The following CERS6 variants were observed in gnomAD, a reference collection of about 807,000 sequenced individuals.
CERS6 encodes the protein ceramide synthase 6, also known as LAG1 homolog, ceramide synthase 6.
Under a neutral mutation model 56.8 loss-of-function variants are expected in CERS6, and 26 were observed. The observed-to-expected ratio is 0.46, with a 90% CI of 0.34 to 0.63. CERS6 has a LOEUF of 0.63. CERS6 is among the 30% of genes least tolerant of loss of function. The probability of loss-of-function intolerance (pLI) is 0.01; values close to 1 mark genes in which losing one functional copy is unlikely to be tolerated. For synonymous variants in CERS6, 164 were observed against 173.3 expected, an observed-to-expected ratio of 0.95 and a Z score of 0.42; for missense variants, 415 against 467.5, an observed-to-expected ratio of 0.89 and a Z score of 1.04.
chr2:168,666,285 G>A (rs2105333841), intron 4 of CERS6, among the ~76,000 whole-genome samples: 1 of 152,178 alleles, frequency 6.6e-6, no homozygotes, highest in Non-Finnish European at 1.5e-5. Context: ...TAGCATTGTT[G>A]CCTTAAAAAT....
chr2:168,766,304 C>G (rs891472402), intron 9 of CERS6: 1 of 1,597,390 alleles, frequency 6.3e-7, no homozygotes, highest in Non-Finnish European at 8.5e-7. Context: ...TGTTCTCTTC[C>G]TTCTGCTACC....
chr2:168,463,078 C>T (rs1693806039), intron 1 of CERS6, among the ~76,000 whole-genome samples: 1 of 152,114 alleles, frequency 6.6e-6, no homozygotes, highest in Admixed American at 6.5e-5. Flanking sequence ...CTGTCAGGCC[C>T]TGTAAGGTGG....
intron 8 of CERS6, among the ~76,000 whole-genome samples, chr2:168,738,167 A>T (rs1209544210): frequency 2.0e-5 from 3 of 152,242 alleles, no homozygotes; most frequent in African/African-American, 7.2e-5. Flanking sequence ...AGAGACTCAA[A>T]TTATGAGTTA....
At chr2:168,522,600 A>G (rs1056746039) in intron 1 of CERS6, among the ~76,000 whole-genome samples, 1 of 152,092 alleles carries the variant, frequency 6.6e-6, no homozygotes, top group East Asian at 1.9e-4. Context: ...TGGTACAATC[A>G]TGGCTCACTG....
intron 1 of CERS6, among the ~76,000 whole-genome samples, chr2:168,469,898 G>T (rs767011989): frequency 6.6e-6 from 1 of 152,048 alleles, no homozygotes; most frequent in Non-Finnish European, 1.5e-5. Context: ...ATGAAGATAC[G>T]CAGCCTAAAG....
rs147406733 is a variant in CERS6, at chr2:168,490,117, AG to A, written c.170+33503del. On this transcript the variant is annotated intron_variant, in intron 1 of 9. Transcript: ENST00000305747. The stretch of plus-strand genomic sequence containing the variant: ...TGGGTCTGTCCCGTGTGTGCCTCTC[AG>A]GGGCAGTGGTTTCTAGACTTAGTTC... Among the ~76,000 whole-genome samples the A allele has an allele frequency of 8.1e-3, 1,228 of 152,260 alleles. 9 individuals carry two copies. Among genetic ancestry groups the A allele is most frequent in the Non-Finnish European group, 0.014 (949 of 68,028 alleles).
At chr2:168,732,736 C>T (rs781046474) in intron 8 of CERS6, among the ~76,000 whole-genome samples, 1 of 152,182 alleles carries the variant, frequency 6.6e-6, no homozygotes. Flanking sequence ...CTCTTTCTCT[C>T]TCCCTTTTTT....
chr2:168,623,843 A>G (rs1295229297), intron 3 of CERS6, among the ~76,000 whole-genome samples: 1 of 152,192 alleles, frequency 6.6e-6, no homozygotes, highest in Admixed American at 6.5e-5. Context: ...CAGGACCCCA[A>G]GATGTCGATG....
intron 2 of CERS6, among the ~76,000 whole-genome samples, chr2:168,550,408 C>T (rs1455910367): frequency 6.6e-6 from 1 of 152,146 alleles, no homozygotes. Context: ...GAACTCCGGG[C>T]TTCAAGCAAT....
At chr2:168,712,174 G>A (rs1449650324) in intron 6 of CERS6, among the ~76,000 whole-genome samples, 1 of 152,150 alleles carries the variant, frequency 6.6e-6, no homozygotes, top group African/African-American at 2.4e-5. Context: ...ACCACTAGGG[G>A]CCTCCTCCTT....
rs1684409639 is a variant in CERS6 at position 168,756,092 on chromosome 2, A to T, written c.846-9500A>T. Among the ~76,000 whole-genome samples, 4 of 152,300 alleles carry T rather than the reference A, an allele frequency of 2.6e-5. No individual in the cohort carries two copies. The South Asian group carries it at 8.3e-4, about 32-fold the overall frequency. On this transcript the variant is annotated intron_variant, in intron 8 of 9. Coordinates refer to ENST00000305747, the MANE Select transcript of CERS6 (RefSeq NM_203463.3). ...AGTGATCCTACAATGGAAATGAGCA[A>T]ACCTAGCCCTTCAGGGAGGAGCACA... is the stretch of plus-strand genomic sequence containing the variant.
chr2:168,645,110 A>ATATATATATAT (rs1685147700), intron 4 of CERS6, among the ~76,000 whole-genome samples: 1 of 58,914 alleles, frequency 1.7e-5, no homozygotes, highest in African/African-American at 6.3e-5. Context: ...AAAAAAAAAA[A>ATATATATATAT]AAAAAAATAT....
chr2:168,607,615 T>C (rs573585810), intron 3 of CERS6, among the ~76,000 whole-genome samples: 52 of 152,168 alleles, frequency 3.4e-4, no homozygotes, highest in Non-Finnish European at 6.2e-4. Flanking sequence ...CTCCTGATCT[T>C]GTGATCCGCC....
intron 3 of CERS6, among the ~76,000 whole-genome samples, chr2:168,591,521 T>C (rs719970): frequency 0.74 from 112,402 of 152,200 alleles, 42,995 homozygotes; most frequent in South Asian, 0.88. Context: ...GTTTACACAA[T>C]CATTAGTTTT....
chr2:168,466,151 G>A (rs951509100), intron 1 of CERS6, among the ~76,000 whole-genome samples: 1 of 151,646 alleles, frequency 6.6e-6, no homozygotes, highest in African/African-American at 2.4e-5. Context: ...TAAGTATCCC[G>A]TTTTTTTAGA....
chr2:168,526,081 T>C (rs1695066442), intron 1 of CERS6, among the ~76,000 whole-genome samples: 1 of 146,746 alleles, frequency 6.8e-6, no homozygotes, highest in Non-Finnish European at 1.6e-5. Context: ...AGAATACTAA[T>C]CTCTTAAAAA....
intron 4 of CERS6, among the ~76,000 whole-genome samples, chr2:168,660,799 G>A (rs1363956091): frequency 6.6e-6 from 1 of 152,080 alleles, no homozygotes; most frequent in African/African-American, 2.4e-5. Context: ...GAAAATTTGT[G>A]TCTCATTTTT....
At chr2:168,556,496 C>T (rs533395704) in intron 2 of CERS6, among the ~76,000 whole-genome samples, 7 of 152,144 alleles carry the variant, frequency 4.6e-5, no homozygotes, top group East Asian at 1.9e-4. Context: ...CAAAACTTGC[C>T]CCTTACTTTC....
intron 8 of CERS6, among the ~76,000 whole-genome samples, chr2:168,745,802 G>C (rs1684081813): frequency 6.6e-6 from 1 of 152,172 alleles, no homozygotes; most frequent in South Asian, 2.1e-4. Context: ...TGGCGCTTCA[G>C]GGAGAGTGGG....
Sources: gnomAD v4.1 joint callset for allele counts (sites outside exome capture counted in the v4.1 genomes callset) on GRCh38, gnomAD v4.1.1 for gene constraint, MANE v1.5 for transcripts, NCBI Gene and HGNC (gene_info 2026-07-23, HGNC 2026-07-21) for gene names.